The following C10orf67 variants were observed in gnomAD, a reference collection of about 807,000 sequenced individuals.
C10orf67 encodes chromosome 10 open reading frame 67.
Under a neutral mutation model 35.6 loss-of-function variants are expected in C10orf67, and 60 were observed. The ratio of observed to expected loss-of-function variants is 1.68; its 90% CI spans 1.37 to 2.09. The LOEUF (loss-of-function observed/expected upper bound fraction) is 2.09. Among genes scored for constraint, C10orf67 ranks in the 30% most tolerant of loss-of-function variants. The pLI is 0.00. For synonymous variants in C10orf67, 167 were observed against 115.8 expected (o/e 1.44, Z -2.84); for missense variants, 474 against 330.2 (o/e 1.44, Z -3.38).
rs573306150 is a variant in C10orf67, at chr10:23,323,885, C to T, written c.328-1348G>A. 5.2e-5 allele frequency among the ~76,000 whole-genome samples: 5 copies of T among 96,758 alleles called. No homozygotes were observed. The East Asian group carries it at 1.2e-3, about 23-fold the overall frequency. 63.5% of individuals were successfully genotyped at this position (96,758 alleles called of 152,430 possible). A position where few individuals can be genotyped will look rare whatever the true frequency, so the allele number is the denominator to read the frequency against. Reference sequence around the variant, plus strand: ...CTCCAGCCTGGGCAGCAGAGCAAGACTCCGTCTAAATATATATATATATAT... The same window carrying T: ...CTCCAGCCTGGGCAGCAGAGCAAGATTCCGTCTAAATATATATATATATAT... On this transcript the variant is annotated intron_variant, in intron 2 of 15. Coordinates refer to ENST00000636213, the MANE Select transcript of C10orf67 (RefSeq NM_001371909.1).
At chr10:23,275,705 A>C (rs890627530) in intron 8 of C10orf67, among the ~76,000 whole-genome samples, 5 of 152,110 alleles carry the variant, frequency 3.3e-5, no homozygotes, top group African/African-American at 1.2e-4. Context: ...GGAAACCTCA[A>C]CTGACCCCTC....
At chr10:23,277,075 C>A (rs1843211779) in intron 8 of C10orf67, among the ~76,000 whole-genome samples, 1 of 152,062 alleles carries the variant, frequency 6.6e-6, no homozygotes, top group Admixed American at 6.6e-5. Context: ...CTTAGGGGTT[C>A]TGTGAGGCCT....
intron 13 of C10orf67, among the ~76,000 whole-genome samples, chr10:23,235,012 C>CAAAAAAAAAAAAAAAAAAAAATAAAAA (rs57049730): frequency 1.3e-5 from 1 of 76,050 alleles, no homozygotes; most frequent in Non-Finnish European, 2.6e-5. Context: ...AATTCCATCT[C>CAAAAAAAAAAAAAAAAAAAAATAAAAA]AAAAAAAAAA....
At chr10:23,219,398 T>A (rs184076981) in intron 15 of C10orf67, among the ~76,000 whole-genome samples, 1 of 152,342 alleles carries the variant, frequency 6.6e-6, no homozygotes, top group South Asian at 2.1e-4. Context: ...CAATAGCACC[T>A]AATTACTGGA....
chr10:23,284,530 A>AC (rs1185079019), intron 7 of C10orf67, among the ~76,000 whole-genome samples: 1 of 151,804 alleles, frequency 6.6e-6, no homozygotes, highest in Non-Finnish European at 1.5e-5. Flanking sequence ...AAAAAAAAAA[A>AC]ATTAAAAAAA....
At chr10:23,237,195 T>G (rs1842071699) in intron 13 of C10orf67, among the ~76,000 whole-genome samples, 1 of 152,180 alleles carries the variant, frequency 6.6e-6, no homozygotes, top group Non-Finnish European at 1.5e-5. Flanking sequence ...CCATTCATGT[T>G]GCTGCAAAGG....
At position 23,249,287 on chromosome 10, in the gene C10orf67, C is replaced by G. The variant is rs186680156; in HGVS notation, c.1346+1168G>C. On this transcript the variant is annotated intron_variant, in intron 12 of 15. Coordinates refer to ENST00000636213, the MANE Select transcript of C10orf67 (RefSeq NM_001371909.1). ...ATAAATAAGAGAAAGTCATTTTATT[C>G]AGCTCTAGAGATAATCCAAAACCTA... Among the ~76,000 whole-genome samples, 13 of 152,048 alleles carry G rather than the reference C, an allele frequency of 8.5e-5. No homozygotes were observed. The East Asian group carries it at 2.5e-3, about 29-fold the overall frequency.
intron 10 of C10orf67, among the ~76,000 whole-genome samples, chr10:23,256,193 A>G (rs990389678): frequency 6.6e-6 from 1 of 152,052 alleles, no homozygotes; most frequent in Non-Finnish European, 1.5e-5. Context: ...TTAGAGAAGA[A>G]GTCTTGCTAT....
At position 23,307,608 on chromosome 10, in the gene C10orf67, G is replaced by GTTTTT. The variant is rs56738859; in HGVS notation, c.547-4154_547-4150dup. Among the ~76,000 whole-genome samples the GTTTTT allele has an allele frequency of 2.3e-3, 311 of 135,768 alleles. 3 individuals carry two copies. The highest frequency in any genetic ancestry group is 8.0e-3 in the African/African-American group (294 of 36,626). 89.1% of individuals were successfully genotyped at this position (135,768 alleles called of 152,430 possible). The stretch of plus-strand genomic sequence containing the variant: ...TTTATTTATTTAGATTTTTTATTTA[G>GTTTTT]TTTTTTTTTTTTTTTTTTAAGACAG... On this transcript the variant is annotated intron_variant, in intron 4 of 15. Transcript: ENST00000636213.
intron 12 of C10orf67, among the ~76,000 whole-genome samples, chr10:23,249,447 C>A (rs1265047141): frequency 3.3e-5 from 5 of 152,164 alleles, no homozygotes; most frequent in Admixed American, 6.5e-5. Context: ...AAATGCTTAT[C>A]AGCACATACA....
intron 4 of C10orf67, chr10:23,317,713 G>C (rs1844782718): frequency 6.6e-6 from 1 of 152,010 alleles, no homozygotes. Context: ...CAAGATTTTT[G>C]GTTACAAAAT....
chr10:23,219,181 C>T (rs12242538), intron 15 of C10orf67, among the ~76,000 whole-genome samples: 3,758 of 152,258 alleles, frequency 0.025, 157 homozygotes, highest in African/African-American at 0.086. Flanking sequence ...AGATCACCCC[C>T]TGGATGATTC....
intron 15 of C10orf67, among the ~76,000 whole-genome samples, chr10:23,217,645 C>A (rs1841466547): frequency 6.6e-6 from 1 of 152,150 alleles, no homozygotes; most frequent in Admixed American, 6.6e-5. Context: ...CAACTCATGG[C>A]TCAACTGGAC....
intron 3 of C10orf67, among the ~76,000 whole-genome samples, chr10:23,322,161 A>G (rs966802266): frequency 1.3e-5 from 2 of 152,182 alleles, no homozygotes; most frequent in African/African-American, 4.8e-5. Context: ...TAAAAGAGGG[A>G]AAATAATTGT....
chr10:23,219,256 G>A (rs763656105), intron 15 of C10orf67, among the ~76,000 whole-genome samples: 3 of 152,304 alleles, frequency 2.0e-5, no homozygotes, highest in Non-Finnish European at 4.4e-5. Flanking sequence ...GGTTTCTCCT[G>A]TGTTTCAGAT....
intron 1 of C10orf67, among the ~76,000 whole-genome samples, chr10:23,335,147 C>A (rs1845629836): frequency 6.6e-6 from 1 of 150,826 alleles, no homozygotes; most frequent in Non-Finnish European, 1.5e-5. Flanking sequence ...GAGATCGCAC[C>A]ACTGCACTCC....
chr10:23,264,661 G>A (rs752921510), intron 10 of C10orf67, among the ~76,000 whole-genome samples: 2 of 152,182 alleles, frequency 1.3e-5, no homozygotes, highest in Non-Finnish European at 2.9e-5. Flanking sequence ...GGGGACACCG[G>A]AGCTTCCAAG....
intron 15 of C10orf67, among the ~76,000 whole-genome samples, chr10:23,210,757 T>C (rs182184525): frequency 3.3e-4 from 50 of 152,312 alleles, no homozygotes; most frequent in African/African-American, 1.2e-3. Flanking sequence ...TAGAGATCAC[T>C]TGCTATCTGC....
intron 13 of C10orf67, among the ~76,000 whole-genome samples, chr10:23,234,828 C>T (rs1842002915): frequency 6.6e-6 from 1 of 151,668 alleles, no homozygotes; most frequent in African/African-American, 2.4e-5. Flanking sequence ...CTCTGGTCAA[C>T]ATGGTGAAAC....
Sources: gnomAD v4.1 joint callset for allele counts (sites outside exome capture counted in the v4.1 genomes callset) on GRCh38, gnomAD v4.1.1 for gene constraint, MANE v1.5 for transcripts, NCBI Gene and HGNC (gene_info 2026-07-23, HGNC 2026-07-21) for gene names.